Variants in ZFP30 observed in about 807,000 individuals in gnomAD.
The protein encoded by ZFP30 is zinc finger protein 30 homolog.
A neutral mutation model predicts 12.3 loss-of-function variants in ZFP30; 16 were observed. The observed-to-expected ratio is 1.30, with a 90% CI of 0.88 to 1.98. The LOEUF is 1.98. Ranked by LOEUF, ZFP30 falls within the 30% of genes most tolerant of loss-of-function variation. ZFP30 has a pLI of 0.00. For synonymous variants in ZFP30, 172 were observed against 201.0 expected (o/e 0.86, Z 1.22); for missense variants, 560 against 611.2 (o/e 0.92, Z 0.88).
At position 37,655,443 on chromosome 19, in the gene ZFP30, C is replaced by G; in HGVS notation, c.-269G>C. The G allele has an allele frequency of 6.6e-6, 1 of 152,370 alleles. No homozygotes were observed. Among genetic ancestry groups the G allele is most frequent in the Middle Eastern group, 3.2e-3 (1 of 314 alleles). 9.4% of individuals were successfully genotyped at this position (152,370 alleles called of 1,614,324 possible). A position where few individuals can be genotyped will look rare whatever the true frequency, so the allele number is the denominator to read the frequency against. ...ACCCGACTCAGAGGATAGCCCAGCC[C>G]TGGGAGTCAGCGGCGCCAGAATACG... is the stretch of plus-strand genomic sequence containing the variant. On this transcript the variant is annotated 5_prime_UTR_variant, in exon 1 of 6. Transcript: ENST00000684514.
intron 3 of ZFP30, among the ~76,000 whole-genome samples, chr19:37,646,161 C>T (rs949105502): frequency 6.6e-6 from 1 of 152,096 alleles, no homozygotes; most frequent in African/African-American, 2.4e-5. Context: ...GTATATACTA[C>T]CTGATTATCA....
At chr19:37,649,151 A>T (rs2044599855) in intron 2 of ZFP30, among the ~76,000 whole-genome samples, 1 of 151,872 alleles carries the variant, frequency 6.6e-6, no homozygotes, top group African/African-American at 2.4e-5. Context: ...AGGCTGAGGC[A>T]GGAGAATTGC....
rs2044257467 is a variant in ZFP30, at chr19:37,633,015, A to T, written c.*1966T>A. On this transcript the variant is annotated 3_prime_UTR_variant, in exon 6 of 6. Transcript: ENST00000684514. ...GTGAAACCCCATCTCTACTAAAAAT[A>T]CAAAAATCAACCTGGTGTGGTGGCG... 1 of 152,142 alleles carries T rather than the reference A, an allele frequency of 6.6e-6. No individual in the cohort carries two copies. The highest frequency in any genetic ancestry group is 2.1e-4 in the South Asian group (1 of 4,810). 9.4% of individuals were successfully genotyped at this position (152,142 alleles called of 1,614,324 possible).
At chr19:37,643,859 TA>T (rs1249564024) in intron 4 of ZFP30, among the ~76,000 whole-genome samples, 1 of 152,226 alleles carries the variant, frequency 6.6e-6, no homozygotes, top group East Asian at 1.9e-4. Flanking sequence ...ATTTTAAACT[TA>T]ATCACAAAGC....
chr19:37,637,136 T>G (rs2044343501), intron 5 of ZFP30, among the ~76,000 whole-genome samples: 2 of 152,286 alleles, frequency 1.3e-5, no homozygotes, highest in South Asian at 4.1e-4. Context: ...AAATGATCCC[T>G]GCTGACTTCA....
chr19:37,648,859 A>G (rs143535927), intron 2 of ZFP30, among the ~76,000 whole-genome samples: 200 of 152,314 alleles, frequency 1.3e-3, no homozygotes, highest in African/African-American at 4.6e-3. Flanking sequence ...TATTGCCTGC[A>G]TGATCTCAAT....
intron 3 of ZFP30, among the ~76,000 whole-genome samples, chr19:37,646,140 A>C (rs1285823472): frequency 6.6e-6 from 1 of 152,334 alleles, no homozygotes; most frequent in African/African-American, 2.4e-5. Context: ...TTTGTCCAGC[A>C]TATCAACATT....
At chr19:37,647,338 G>A (rs1024957899) in intron 3 of ZFP30, among the ~76,000 whole-genome samples, 4 of 152,222 alleles carry the variant, frequency 2.6e-5, no homozygotes, top group Non-Finnish European at 5.9e-5. Context: ...TGTGTTGTGG[G>A]AGGGAGCCGG....
rs1333603406 is a variant in ZFP30, at chr19:37,635,492, C to G, written c.1049G>C (p.Gly350Ala). The G allele has an allele frequency of 1.2e-6, 2 of 1,614,152 alleles. No homozygotes were observed. Residue 350 changes from glycine to alanine, a missense_variant, in exon 6 of 6, where the codon GGT becomes GCT. Physicochemically the swap from Gly to Ala is moderately conservative, Grantham distance 60. Coordinates refer to ENST00000684514, the MANE Select transcript of ZFP30 (RefSeq NM_001320669.3). ...TTCCTTACAATCATAAGGCTTCTCA[C>G]CAGTGTGAATTCTCTGATGGAGAGT... Reference protein sequence around the residue: ...QLTLHQRIHTGEKPYDCKECG... With the variant: ...QLTLHQRIHTAEKPYDCKECG...
intron 2 of ZFP30, among the ~76,000 whole-genome samples, chr19:37,652,623 A>G (rs746522475): frequency 2.6e-5 from 4 of 152,164 alleles, no homozygotes; most frequent in Non-Finnish European, 5.9e-5. Flanking sequence ...ACTTGTAGAA[A>G]TATTTTGGGA....
intron 5 of ZFP30, among the ~76,000 whole-genome samples, chr19:37,641,764 CCAAA>C (rs2044440567): frequency 6.6e-6 from 1 of 152,232 alleles, no homozygotes; most frequent in African/African-American, 2.4e-5. Flanking sequence ...AATAACTCAT[CCAAA>C]CAGAGTTCAC....
Position 37,635,910 on chromosome 19 carries a change from C to A in ZFP30, c.631G>T (p.Asp211Tyr). The A allele has an allele frequency of 6.2e-7, 1 of 1,614,134 alleles. No individual in the cohort carries two copies. The highest frequency in any genetic ancestry group is 1.1e-5 in the South Asian group (1 of 91,068). Residue 211 changes from aspartate (D) to tyrosine (Y), a missense_variant, in exon 6 of 6, where the codon GAC becomes TAC. Asp to Tyr is a radical substitution (Grantham distance 160). Coordinates refer to ENST00000684514, the MANE Select transcript of ZFP30 (RefSeq NM_001320669.3). Reference sequence around the variant, plus strand: ...CATTTTTTACATTCATAGAGTTTGTCAGAAGTATGAATTCTCTGATGTCGA... The same window carrying A: ...CATTTTTTACATTCATAGAGTTTGTAAGAAGTATGAATTCTCTGATGTCGA... ...LSRHQRIHTS[D>Y]KLYECKKCGK...
intron 5 of ZFP30, among the ~76,000 whole-genome samples, chr19:37,638,196 A>G (rs2927745): frequency 0.98 from 149,267 of 152,310 alleles, 73,496 homozygotes; most frequent in Middle Eastern, 1. Flanking sequence ...TTGCATAATC[A>G]TAAGTGAACT....
rs996558676 is a variant in ZFP30, at chr19:37,650,918, TG to T, written c.-77-3020del. On this transcript the variant is annotated intron_variant, in intron 2 of 5. Coordinates refer to ENST00000684514, the MANE Select transcript of ZFP30 (RefSeq NM_001320669.3). ...ACGCCCAGCTAATTTTTGTGTTTTT[TG>T]TAGAGATGGGGTTTTGTCATGTTGG... Among the ~76,000 whole-genome samples the T allele has an allele frequency of 2.5e-4, 38 of 151,932 alleles. 1 individual carries two copies. The highest frequency in any genetic ancestry group is 1.0e-4 in the Non-Finnish European group (7 of 67,960).
At chr19:37,641,470 A>G (rs2044433620) in intron 5 of ZFP30, among the ~76,000 whole-genome samples, 1 of 152,210 alleles carries the variant, frequency 6.6e-6, no homozygotes, top group South Asian at 2.1e-4. Context: ...GAGCATTTCT[A>G]ACATATCAAA....
chr19:37,643,405 G>A (rs1034231966), intron 4 of ZFP30, 42 bp from the exon 5 acceptor site: 2 of 1,370,414 alleles, frequency 1.5e-6, no homozygotes, highest in Non-Finnish European at 1.9e-6. Context: ...ATTTATTTAA[G>A]GCTTCAAAAC....
In ZFP30 at chr19:37,644,756, T is replaced by C; in HGVS notation, c.10-20A>G. On this transcript the variant is annotated intron_variant, in intron 3 of 5. Coordinates refer to ENST00000684514, the MANE Select transcript of ZFP30 (RefSeq NM_001320669.3). ...CAAATCCTGAAATGATAAACGCATGTATTATTTGTAAGATAAATGAAAATA... is the reference window on the plus strand; with the variant it reads ...CAAATCCTGAAATGATAAACGCATGCATTATTTGTAAGATAAATGAAAATA... The C allele has an allele frequency of 6.3e-7, 1 of 1,599,052 alleles. No individual in the cohort carries two copies. Among genetic ancestry groups the C allele is most frequent in the Non-Finnish European group, 8.5e-7 (1 of 1,175,448 alleles).
rs149446640 is a variant in ZFP30, at chr19:37,644,648, T to A, written c.98A>T (p.Asp33Val). ...LNSYQRNLYR[D>V]VILENYSNLV... is the part of the protein sequence containing the mutation. ...GTTGCTATAGTTCTCTAATATCACA[T>A]CTCTGTACAAATTCCTCTGATATGA... Residue 33 changes from aspartate (D) to valine (V), a missense_variant, in exon 4 of 6, where the codon GAT (aspartate) becomes GTT (valine). Physicochemically the swap from Asp to Val is radical, Grantham distance 152. Coordinates refer to ENST00000684514, the MANE Select transcript of ZFP30 (RefSeq NM_001320669.3). 13 of 1,612,612 alleles carry A rather than the reference T, an allele frequency of 8.1e-6. No individual in the cohort carries two copies. Among genetic ancestry groups the A allele is most frequent in the Non-Finnish European group, 1.1e-5 (13 of 1,179,468 alleles).
intron 2 of ZFP30, among the ~76,000 whole-genome samples, chr19:37,652,555 C>T (rs371509022): frequency 3.5e-4 from 53 of 151,908 alleles, no homozygotes; most frequent in South Asian, 8.3e-4. Context: ...GAAACAAGAG[C>T]GAAACTCCAC....
Sources: allele counts gnomAD v4.1 joint callset (sites outside exome capture counted in the v4.1 genomes callset), GRCh38; gene constraint gnomAD v4.1.1; transcripts MANE v1.5; gene names NCBI Gene and HGNC (gene_info 2026-07-23, HGNC 2026-07-21).